Variants in BMP7 observed in about 807,000 individuals in gnomAD.
BMP7 encodes the protein osteogenic protein 1.
BMP7 carries 12 observed loss-of-function variants against 41.2 expected under a neutral mutation model. The ratio of observed to expected loss-of-function variants is 0.29; its 90% confidence interval spans 0.19 to 0.47. The LOEUF (loss-of-function observed/expected upper bound fraction) is 0.47, where lower values mean the gene tolerates loss of function less well. BMP7 is among the 20% of genes least tolerant of loss of function. The probability of loss-of-function intolerance (pLI) is 0.99; values close to 1 mark genes in which losing one functional copy is unlikely to be tolerated. For missense variants in BMP7, 467 were observed against 606.0 expected, an observed-to-expected ratio of 0.77 and a Z score of 2.41; for synonymous variants, 248 against 250.0, an observed-to-expected ratio of 0.99 and a Z score of 0.07.
In BMP7 at chr20:57,184,560, G is replaced by A. The variant is rs559800392; in HGVS notation, c.761-641C>T. On this transcript the variant is annotated intron_variant, in intron 3 of 6. Transcript: ENST00000395863. Reference sequence around the variant, plus strand: ...TCAGGTCGGGTCCTATGGGCAACACGAGCACCTGCCTCAGCCCAGTGTCCT... The same window carrying A: ...TCAGGTCGGGTCCTATGGGCAACACAAGCACCTGCCTCAGCCCAGTGTCCT... Among the ~76,000 whole-genome samples the A allele has an allele frequency of 1.3e-4, 20 of 152,256 alleles. No individual in the cohort carries two copies. The South Asian group carries it at 3.5e-3, about 27-fold the overall frequency.
At chr20:57,175,420 T>C (rs1983901392) in intron 4 of BMP7, among the ~76,000 whole-genome samples, 1 of 152,076 alleles carries the variant, frequency 6.6e-6, no homozygotes, top group Admixed American at 6.5e-5. Context: ...CAACCTCAAC[T>C]CGTGAGGCCC....
Position 57,228,500 on chromosome 20 carries a change from C to T in BMP7, c.419-79G>A, listed in dbSNP as rs1188266584. On this transcript the variant is annotated intron_variant, in intron 1 of 6. Coordinates refer to ENST00000395863, the MANE Select transcript of BMP7 (RefSeq NM_001719.3). This position sits in a 1 kb window ranked among gnomAD's most constrained non-coding sequence, Gnocchi z 4.5. ...TTCACTCTCTGGCTCTGAGTCCAAG[C>T]ATCTTGCCTAAGCTAGATGGAGGCA... 3.2e-6 allele frequency: 5 copies of T among 1,544,738 alleles called. No individual in the cohort carries two copies. Among genetic ancestry groups the T allele is most frequent in the South Asian group, 1.1e-5 (1 of 89,254 alleles).
In BMP7 at chr20:57,170,494, A is replaced by G; in HGVS notation, c.*465T>C. 1 of 268,900 alleles carries G rather than the reference A, an allele frequency of 3.7e-6. No homozygotes were observed. The highest frequency in any genetic ancestry group is 7.3e-6 in the Non-Finnish European group (1 of 137,184). 16.7% of individuals were successfully genotyped at this position (268,900 alleles called of 1,614,324 possible). On this transcript the variant is annotated 3_prime_UTR_variant, in exon 7 of 7. Transcript: ENST00000395863. ...AAAATATATCTGTAACGTCCTAACC[A>G]TTTTCATTCATTCGTTTTATTGTGA...
At chr20:57,227,245 G>A (rs1234621019) in intron 2 of BMP7, among the ~76,000 whole-genome samples, 1 of 152,106 alleles carries the variant, frequency 6.6e-6, no homozygotes, top group African/African-American at 2.4e-5. Context: ...TTGGCTTCAG[G>A]TCACTTTAGT....
intron 1 of BMP7, among the ~76,000 whole-genome samples, chr20:57,232,852 T>TACACACAC (rs60368986): frequency 1.2e-3 from 167 of 138,130 alleles, no homozygotes; most frequent in Admixed American, 2.7e-3. Flanking sequence ...AGTCATGAAG[T>TACACACAC]ACACACACAC....
In BMP7 at chr20:57,183,821, G is replaced by A; in HGVS notation, c.859C>T (p.His287Tyr). 6.2e-7 allele frequency: 1 copy of A among 1,614,176 alleles called. No homozygotes were observed. Among genetic ancestry groups the A allele is most frequent in the Non-Finnish European group, 8.5e-7 (1 of 1,180,040 alleles). Residue 287 changes from histidine to tyrosine, a missense_variant, in exon 4 of 7, where the codon CAC (histidine) becomes TAC (tyrosine). By Grantham distance (83) the His-to-Tyr change is moderately conservative. Transcript: ENST00000395863. ...CCCGTGGACCGGATGCTGCGGAAGT[G>A]GACCTCCGTGGCCTTGAAGAAAGCC... is the stretch of plus-strand genomic sequence containing the variant. Reference protein sequence around the residue: ...MVAFFKATEVHFRSIRSTGSK... With the variant: ...MVAFFKATEVYFRSIRSTGSK...
intron 2 of BMP7, among the ~76,000 whole-genome samples, chr20:57,221,501 T>C (rs1985188970): frequency 6.6e-6 from 1 of 152,146 alleles, no homozygotes; most frequent in African/African-American, 2.4e-5. Flanking sequence ...TATTGTGCCT[T>C]CATTTCCTTG....
chr20:57,263,787 T>C (rs147009337), intron 1 of BMP7, among the ~76,000 whole-genome samples: 46 of 151,026 alleles, frequency 3.0e-4, no homozygotes, highest in African/African-American at 1.1e-3. Flanking sequence ...GTTTTTGGTA[T>C]AGTTAATAAA....
At chr20:57,257,665 C>T (rs534574887) in intron 1 of BMP7, among the ~76,000 whole-genome samples, 10 of 152,146 alleles carry the variant, frequency 6.6e-5, no homozygotes, top group Middle Eastern at 3.4e-3. Context: ...GAAGAGACTG[C>T]TTAGAATGTC....
Position 57,194,127 on chromosome 20 carries a change from A to G in BMP7, c.760+8348T>C, listed in dbSNP as rs115140071. Among the ~76,000 whole-genome samples, 388 of 152,342 alleles carry G rather than the reference A, an allele frequency of 2.5e-3. 2 individuals are homozygous for G. Among genetic ancestry groups the G allele is most frequent in the African/African-American group, 8.9e-3 (369 of 41,580 alleles). On this transcript the variant is annotated intron_variant, in intron 3 of 6. Coordinates refer to ENST00000395863, the MANE Select transcript of BMP7 (RefSeq NM_001719.3). ...CCCCAAAAAAGGCAGGCACATGATGAGATAAACATCCTTCCTCCTTGCCTA... is the reference window on the plus strand; with the variant it reads ...CCCCAAAAAAGGCAGGCACATGATGGGATAAACATCCTTCCTCCTTGCCTA...
intron 4 of BMP7, among the ~76,000 whole-genome samples, chr20:57,178,367 G>T (rs909227075): frequency 1.4e-4 from 21 of 152,258 alleles, no homozygotes; most frequent in Admixed American, 1.4e-3. Context: ...CCAGCCCCAA[G>T]GCTCAATGCT....
chr20:57,249,525 G>A (rs1028476214), intron 1 of BMP7, among the ~76,000 whole-genome samples: 2 of 152,004 alleles, frequency 1.3e-5, no homozygotes, highest in African/African-American at 4.8e-5. Context: ...CTGATGCAGG[G>A]GTGACTGCAT....
At chr20:57,211,010 T>G (rs991599072) in intron 2 of BMP7, among the ~76,000 whole-genome samples, 4 of 152,166 alleles carry the variant, frequency 2.6e-5, no homozygotes, top group Non-Finnish European at 5.9e-5. Flanking sequence ...CCCCCTCTGC[T>G]ACCTTCAGAC....
chr20:57,232,477 C>T (rs6014960), intron 1 of BMP7, among the ~76,000 whole-genome samples: 2 of 152,262 alleles, frequency 1.3e-5, no homozygotes, highest in African/African-American at 4.8e-5. Context: ...GACATAAACA[C>T]AGGTACAATC....
chr20:57,179,021 C>T (rs1361460808), intron 4 of BMP7, among the ~76,000 whole-genome samples: 1 of 152,198 alleles, frequency 6.6e-6, no homozygotes, highest in African/African-American at 2.4e-5. Flanking sequence ...TTAGTTCAAA[C>T]CCAAGGCCAA....
At chr20:57,236,969 G>C (rs892730791) in intron 1 of BMP7, among the ~76,000 whole-genome samples, 1 of 152,166 alleles carries the variant, frequency 6.6e-6, no homozygotes, top group Non-Finnish European at 1.5e-5. Context: ...ATGGTCTTCA[G>C]AAAAAATTTG....
rs569259708 is a variant in BMP7, at chr20:57,213,979, A to G, written c.612-11356T>C. On this transcript the variant is annotated intron_variant, in intron 2 of 6. Coordinates refer to ENST00000395863, the MANE Select transcript of BMP7 (RefSeq NM_001719.3). This position sits in a 1 kb window ranked among gnomAD's most constrained non-coding sequence, Gnocchi z 4.4. The stretch of plus-strand genomic sequence containing the variant: ...TGGAGCAAACCTCAATGTCAGTGTG[A>G]ATCTTCCACCATGGGATTCAAGCTG... 1.8e-4 allele frequency among the ~76,000 whole-genome samples: 27 copies of G among 152,334 alleles called. No individual in the cohort carries two copies. The South Asian group carries it at 5.4e-3, about 30-fold the overall frequency.
In BMP7 at chr20:57,199,966, G is replaced by A. The variant is rs79336452; in HGVS notation, c.760+2509C>T. Among the ~76,000 whole-genome samples, 334 of 152,336 alleles carry A rather than the reference G, an allele frequency of 2.2e-3. 4 individuals are homozygous for A. Among genetic ancestry groups the A allele is most frequent in the Middle Eastern group, 0.02 (6 of 294 alleles). On this transcript the variant is annotated intron_variant, in intron 3 of 6. Coordinates refer to ENST00000395863, the MANE Select transcript of BMP7 (RefSeq NM_001719.3). ...GGACACAGCATCTAATCCTTGATCT[G>A]ACTCTAGATAGCAACCTGCAGCCAC...
intron 1 of BMP7, among the ~76,000 whole-genome samples, chr20:57,250,661 C>T (rs1329085081): frequency 1.3e-5 from 2 of 151,812 alleles, no homozygotes; most frequent in East Asian, 1.9e-4. Flanking sequence ...AAATATATAA[C>T]TTTACTGTGA....
Sources: gnomAD v4.1 joint callset for allele counts (sites outside exome capture counted in the v4.1 genomes callset) on GRCh38, gnomAD v4.1.1 for gene constraint, Gnocchi (gnomAD v3.1) non-coding constraint, MANE v1.5 for transcripts, NCBI Gene and HGNC (gene_info 2026-07-23, HGNC 2026-07-21) for gene names.